Variants in SPTB observed in about 807,000 individuals in gnomAD.
The protein encoded by SPTB is spectrin beta, erythrocytic.
SPTB carries 45 observed loss-of-function variants against 256.2 expected under a neutral mutation model. That is an observed-to-expected ratio of 0.18 (90% CI 0.14 to 0.23). The LOEUF is 0.23. Ranked by LOEUF, SPTB falls within the 10% of genes least tolerant of loss-of-function variation. The probability of loss-of-function intolerance (pLI) is 1.00; values close to 1 mark genes in which losing one functional copy is unlikely to be tolerated. For synonymous variants in SPTB, 1,231 were observed against 1,243.1 expected (o/e 0.99, Z 0.21); for missense variants, 2,715 against 3,040.4 (o/e 0.89, Z 2.52).
chr14:64,827,448 C>A lies in SPTB; in HGVS notation c.-51-4303G>T, dbSNP rs1240872697. Among the ~76,000 whole-genome samples the A allele has an allele frequency of 6.6e-6, 1 of 152,206 alleles. No homozygotes were observed. The highest frequency in any genetic ancestry group is 1.5e-5 in the Non-Finnish European group (1 of 68,030). On this transcript the variant is annotated intron_variant, in intron 1 of 35. Coordinates refer to ENST00000644917, the MANE Select transcript of SPTB (RefSeq NM_001355436.2). This position sits in a 1 kb window ranked among gnomAD's most constrained non-coding sequence, Gnocchi z 4.6. ...TAGCTGTAAGGTTTGACCCCCTCAC[C>A]TGTTTTCTAGTTTGTCCTGCCCCTT...
chr14:64,836,185 G>T (rs1367995209), intron 1 of SPTB, among the ~76,000 whole-genome samples: 2 of 152,216 alleles, frequency 1.3e-5, no homozygotes, highest in Admixed American at 1.3e-4. Flanking sequence ...AGAGGATGGG[G>T]CCATAAGGTG....
At chr14:64,797,945 T>C (rs115519189) in intron 9 of SPTB, 99 bp from the exon 10 acceptor site, 20 of 829,246 alleles carry the variant, frequency 2.4e-5, no homozygotes, top group Non-Finnish European at 3.9e-5. Context: ...GAAGCGTAGA[T>C]AGCAAAGCAT....
chr14:64,801,544 G>A, intron 6 of SPTB, 144 bp from the exon 7 acceptor site: 1 of 808,108 alleles, frequency 1.2e-6, no homozygotes, highest in Non-Finnish European at 2.1e-6. Context: ...GCAGAGGAGA[G>A]GGGGCAGGTG....
chr14:64,766,783 G>T lies in SPTB; in HGVS notation c.6288C>A (p.Gly2096=). Residue 2096 remains glycine, a synonymous_variant, in exon 32 of 36, where the codon GGC becomes GGA. Transcript: ENST00000644917. ...AEETGPQEEE[G]ETAGEAPVSH... ...AAACTGGAGCCTCCCCTGCTGTCTC[G>T]CCTTCCTCCTCTTGAGGCCTAAGGA... The T allele has an allele frequency of 6.2e-7, 1 of 1,612,174 alleles. No individual in the cohort carries two copies. The highest frequency in any genetic ancestry group is 1.1e-5 in the South Asian group (1 of 91,066).
At position 64,782,293 on chromosome 14, in the gene SPTB, C is replaced by T. The variant is rs752727753; in HGVS notation, c.4263G>A (p.Leu1421=). ...AGTCTACAACCCACTCACGTGCCTT[C>T]AGCTTAGCCAACATCCGATTGACAC... ...LTSVNRMLAK[L]KRVEDQVNVR... Residue 1421 remains leucine, a synonymous_variant, in exon 20 of 36, where the codon CTG becomes CTA. Coordinates refer to ENST00000644917, the MANE Select transcript of SPTB (RefSeq NM_001355436.2). 1.2e-6 allele frequency: 2 copies of T among 1,614,096 alleles called. No individual in the cohort carries two copies. Among genetic ancestry groups the T allele is most frequent in the South Asian group, 2.2e-5 (2 of 91,082 alleles).
chr14:64,785,692 GTCC>G lies in SPTB; in HGVS notation c.3764+54_3764+56del, dbSNP rs1468185042. ...GCTTGGGGTCCTCACCAAGCTTGGG[GTCC>G]TCACTACCCCCGTGTGGCTCTGGGG... On this transcript the variant is annotated intron_variant, in intron 17 of 35. Coordinates refer to ENST00000644917, the MANE Select transcript of SPTB (RefSeq NM_001355436.2). The surrounding 1 kb of genome is among the most constrained non-coding windows in gnomAD (Gnocchi z 4.4). The G allele has an allele frequency of 6.2e-7, 1 of 1,613,464 alleles. No homozygotes were observed. Among genetic ancestry groups the G allele is most frequent in the Admixed American group, 1.7e-5 (1 of 60,014 alleles).
At position 64,790,005 on chromosome 14, in the gene SPTB, A is replaced by G. The variant is rs948084851; in HGVS notation, c.2804+1714T>C. On this transcript the variant is annotated intron_variant, in intron 15 of 35. Transcript: ENST00000644917. The surrounding 1 kb of genome is among the most constrained non-coding windows in gnomAD (Gnocchi z 4.8). The stretch of plus-strand genomic sequence containing the variant: ...TATACACGGAAGAGGAACCAGGGTA[A>G]GTGTGATATCTCTCAAGGGCAGAGC... Among the ~76,000 whole-genome samples the G allele has an allele frequency of 1.3e-4, 20 of 152,210 alleles. No homozygotes were observed. Among genetic ancestry groups the G allele is most frequent in the Admixed American group, 1.2e-3 (19 of 15,286 alleles).
intron 27 of SPTB, 131 bp from the exon 28 acceptor site, chr14:64,769,859 A>G: frequency 1.6e-6 from 2 of 1,266,978 alleles, no homozygotes; most frequent in Non-Finnish European, 2.3e-6. Context: ...CTCTCTGGCC[A>G]GCCAGGGGGT....
chr14:64,812,570 G>A (rs559781526), intron 2 of SPTB, among the ~76,000 whole-genome samples: 5 of 152,008 alleles, frequency 3.3e-5, no homozygotes, highest in Admixed American at 2.6e-4. Context: ...ACAGGGTCAC[G>A]GCGCAGTCTC....
chr14:64,749,106 G>C lies in SPTB; in HGVS notation c.*200C>G. The C allele has an allele frequency of 1.8e-6, 1 of 544,760 alleles. No individual in the cohort carries two copies. Among genetic ancestry groups the C allele is most frequent in the Non-Finnish European group, 3.1e-6 (1 of 321,528 alleles). 33.7% of individuals were successfully genotyped at this position (544,760 alleles called of 1,614,324 possible). ...CCCCTGTCCCTGGAGCGGAGCCAGC[G>C]CGGGCGAGGGCATGGAGGGGGCGTC... On this transcript the variant is annotated 3_prime_UTR_variant, in exon 36 of 36. Transcript: ENST00000644917. This position sits in a 1 kb window ranked among gnomAD's most constrained non-coding sequence, Gnocchi z 4.7.
intron 22 of SPTB, among the ~76,000 whole-genome samples, chr14:64,776,758 C>T (rs1695778): frequency 0.18 from 26,687 of 152,154 alleles, 2,413 homozygotes; most frequent in African/African-American, 0.2. Context: ...GGTATTTCTT[C>T]CTTTTTAACC....
Position 64,795,188 on chromosome 14 carries a change from G to T in SPTB, c.1644+149C>A. On this transcript the variant is annotated intron_variant, in intron 12 of 35. Coordinates refer to ENST00000644917, the MANE Select transcript of SPTB (RefSeq NM_001355436.2). The surrounding 1 kb of genome is among the most constrained non-coding windows in gnomAD (Gnocchi z 6.5). ...ACCAAGAGGCAGAGAGGCAGGTGCAGCTAGACACTTTGCTGCCTCAGTTTC... is the reference window on the plus strand; with the variant it reads ...ACCAAGAGGCAGAGAGGCAGGTGCATCTAGACACTTTGCTGCCTCAGTTTC... The T allele has an allele frequency of 1.1e-6, 1 of 919,238 alleles. No individual in the cohort carries two copies. Among genetic ancestry groups the T allele is most frequent in the Non-Finnish European group, 1.6e-6 (1 of 615,102 alleles). 56.9% of individuals were successfully genotyped at this position (919,238 alleles called of 1,614,324 possible).
chr14:64,863,560 A>G (rs1235634490), intron 1 of SPTB, among the ~76,000 whole-genome samples: 1 of 152,170 alleles, frequency 6.6e-6, no homozygotes, highest in Non-Finnish European at 1.5e-5. Flanking sequence ...CACGCAGCCT[A>G]GCATATAACA....
At chr14:64,820,793 C>G (rs1406231532) in intron 2 of SPTB, among the ~76,000 whole-genome samples, 1 of 152,072 alleles carries the variant, frequency 6.6e-6, no homozygotes, top group Non-Finnish European at 1.5e-5. Flanking sequence ...GCCTCAGCTT[C>G]TTGAGTAGCT....
At position 64,801,414 on chromosome 14, in the gene SPTB, T is replaced by C; in HGVS notation, c.648-14A>G. 1 of 1,602,188 alleles carries C rather than the reference T, an allele frequency of 6.2e-7. No homozygotes were observed. Among genetic ancestry groups the C allele is most frequent in the Non-Finnish European group, 8.6e-7 (1 of 1,169,336 alleles). On this transcript the variant is annotated splice_polypyrimidine_tract_variant and intron_variant, in intron 6 of 35. Coordinates refer to ENST00000644917, the MANE Select transcript of SPTB (RefSeq NM_001355436.2). ...ATCAGGTCGGGCCTGGGGACAAAACTGGACTGTGAAAAGGGAGTAGCCACA... is the reference window on the plus strand; with the variant it reads ...ATCAGGTCGGGCCTGGGGACAAAACCGGACTGTGAAAAGGGAGTAGCCACA...
Position 64,749,309 on chromosome 14 carries a change from C to T in SPTB, c.6984G>A (p.Lys2328=). ...EKRFSFFPKK[K] ...CCGCGCCCGCCAGCCCCACCTGCTACTTCTTTTTGGGGAAGAAGCTGAATC... is the reference window on the plus strand; with the variant it reads ...CCGCGCCCGCCAGCCCCACCTGCTATTTCTTTTTGGGGAAGAAGCTGAATC... Residue 2328 remains lysine, a synonymous_variant, in exon 36 of 36, where the codon AAG becomes AAA. Coordinates refer to ENST00000644917, the MANE Select transcript of SPTB (RefSeq NM_001355436.2). This position sits in a 1 kb window ranked among gnomAD's most constrained non-coding sequence, Gnocchi z 4.7. The T allele has an allele frequency of 6.2e-7, 1 of 1,601,500 alleles. No homozygotes were observed. Among genetic ancestry groups the T allele is most frequent in the Non-Finnish European group, 8.5e-7 (1 of 1,175,776 alleles).
intron 15 of SPTB, among the ~76,000 whole-genome samples, chr14:64,789,874 T>C (rs962961482): frequency 6.6e-6 from 1 of 151,916 alleles, no homozygotes; most frequent in Non-Finnish European, 1.5e-5. Context: ...TTGGAATATG[T>C]AGAGGGAGGG....
chr14:64,849,663 C>T (rs1246719733), intron 1 of SPTB, among the ~76,000 whole-genome samples: 1 of 152,188 alleles, frequency 6.6e-6, no homozygotes, highest in East Asian at 1.9e-4. Flanking sequence ...ATCTCACTCA[C>T]TGAGATGAGG....
intron 15 of SPTB, among the ~76,000 whole-genome samples, chr14:64,789,136 A>G (rs949991164): frequency 6.6e-6 from 1 of 152,136 alleles, no homozygotes; most frequent in Admixed American, 6.5e-5. Context: ...GGATCTCTTG[A>G]GCCCAGGAGT....
Sources: allele counts gnomAD v4.1 joint callset (sites outside exome capture counted in the v4.1 genomes callset), GRCh38; gene constraint gnomAD v4.1.1; non-coding constraint Gnocchi (gnomAD v3.1); transcripts MANE v1.5; gene names NCBI Gene and HGNC (gene_info 2026-07-23, HGNC 2026-07-21).